Variants in RIN2 observed in about 807,000 individuals in gnomAD.
The protein encoded by RIN2 is RAB5 interacting protein 2.
Under a neutral mutation model 78.0 loss-of-function variants are expected in RIN2, and 36 were observed. The ratio of observed to expected loss-of-function variants is 0.46; its 90% CI spans 0.35 to 0.61. The LOEUF (loss-of-function observed/expected upper bound fraction) is 0.61, where lower values mean the gene tolerates loss of function less well. Ranked by LOEUF, RIN2 falls within the 20% of genes least tolerant of loss-of-function variation. The probability of loss-of-function intolerance (pLI) is 0.00; values close to 1 mark genes in which losing one functional copy is unlikely to be tolerated. For missense variants in RIN2, 1,087 were observed against 1,159.7 expected (o/e 0.94, Z 0.91); for synonymous variants, 466 against 466.8 (o/e 1.00, Z 0.02).
intron 1 of RIN2, among the ~76,000 whole-genome samples, chr20:19,798,347 C>T (rs1301890912): frequency 6.6e-6 from 1 of 151,994 alleles, no homozygotes; most frequent in African/African-American, 2.4e-5. Context: ...GGATATTCTA[C>T]ACCAGAAAGC....
At chr20:19,940,756 A>C (rs2040837828) in intron 4 of RIN2, among the ~76,000 whole-genome samples, 1 of 152,210 alleles carries the variant, frequency 6.6e-6, no homozygotes, top group Admixed American at 6.5e-5. Context: ...ATTTGGCGGA[A>C]GCAGGCCTCT....
intron 2 of RIN2, among the ~76,000 whole-genome samples, chr20:19,862,846 G>T (rs963464354): frequency 7.2e-5 from 11 of 152,178 alleles, no homozygotes; most frequent in African/African-American, 2.7e-4. Context: ...CTTGCCAAAT[G>T]CACGTTTTCT....
intron 9 of RIN2, among the ~76,000 whole-genome samples, chr20:19,989,350 T>C (rs1051553945): frequency 2.7e-5 from 4 of 149,648 alleles, no homozygotes. Context: ...CTTGGCTCAC[T>C]GCAACCTCTG....
rs185516853 is a variant in RIN2 at position 19,956,022 on chromosome 20, C to T, written c.159-593C>T. Among the ~76,000 whole-genome samples, 14 of 151,990 alleles carry T rather than the reference C, an allele frequency of 9.2e-5. No homozygotes were observed. In the East Asian group the frequency reaches 1.2e-3, roughly 13 times the overall value. On this transcript the variant is annotated intron_variant, in intron 4 of 12. Transcript: ENST00000255006. ...CTGTAATCCCAGCACTTTGGAATGC[C>T]GAGGTAGGCGGATCACCTGAGGTCA...
intron 2 of RIN2, among the ~76,000 whole-genome samples, chr20:19,807,130 G>A (rs1053686368): frequency 6.6e-6 from 1 of 152,240 alleles, no homozygotes; most frequent in Admixed American, 6.5e-5. Context: ...ATGAGTATAA[G>A]TGGAAGCCCA....
chr20:19,897,150 G>C (rs1388466060), intron 3 of RIN2, among the ~76,000 whole-genome samples: 2 of 152,094 alleles, frequency 1.3e-5, no homozygotes, highest in Non-Finnish European at 2.9e-5. Context: ...CTGTCGCCCA[G>C]ACTGGAGTGT....
chr20:19,832,082 G>A (rs1240099757), intron 2 of RIN2, among the ~76,000 whole-genome samples: 2 of 151,968 alleles, frequency 1.3e-5, no homozygotes, highest in East Asian at 1.9e-4. Flanking sequence ...GTGGTGGTGA[G>A]AATGTATCTG....
chr20:19,975,067 C>T lies in RIN2; in HGVS notation c.1042C>T (p.Leu348=). The T allele has an allele frequency of 6.2e-7, 1 of 1,613,562 alleles. No individual in the cohort carries two copies. Among genetic ancestry groups the T allele is most frequent in the Non-Finnish European group, 8.5e-7 (1 of 1,179,886 alleles). ...VNHNKHGNVA[L]PGTKPTPIPP... ...CCATAACAAACATGGGAACGTAGCT[C>T]TGCCTGGAACGAAACCAACTCCCAT... The change falls in exon 9 of 13, where the codon CTG becomes TTG. Residue 348 remains leucine, a synonymous_variant. Transcript: ENST00000255006. The surrounding 1 kb of genome is among the most constrained non-coding windows in gnomAD (Gnocchi z 4.9).
At chr20:19,811,398 G>T (rs1346109843) in intron 2 of RIN2, among the ~76,000 whole-genome samples, 2 of 152,172 alleles carry the variant, frequency 1.3e-5, no homozygotes, top group Admixed American at 1.3e-4. Context: ...TGCTCCAAAA[G>T]GCAGTAACTT....
chr20:19,995,261 TAAA>T (rs74180976), intron 11 of RIN2, among the ~76,000 whole-genome samples: 1 of 122,704 alleles, frequency 8.1e-6, no homozygotes. Flanking sequence ...GTTTTTTTTT[TAAA>T]AAAAAAAAAA....
rs201486809 is a variant in RIN2, at chr20:19,975,070, C to A, written c.1045C>A (p.Pro349Thr). The A allele has an allele frequency of 6.2e-7, 1 of 1,613,520 alleles. No homozygotes were observed. Among genetic ancestry groups the A allele is most frequent in the Non-Finnish European group, 8.5e-7 (1 of 1,179,888 alleles). The change falls in exon 9 of 13, where the codon CCT becomes ACT. Residue 349 changes from proline (P) to threonine (T), a missense_variant. This residue lies in a region of RIN2 where 706 missense variants were observed against 667.5 expected (regional missense o/e 1.06). Transcript: ENST00000255006. The surrounding 1 kb of genome is among the most constrained non-coding windows in gnomAD (Gnocchi z 4.9). The part of the protein sequence containing the change: ...NHNKHGNVAL[P>T]GTKPTPIPPP... The stretch of plus-strand genomic sequence containing the variant: ...TAACAAACATGGGAACGTAGCTCTG[C>A]CTGGAACGAAACCAACTCCCATCCC...
intron 6 of RIN2, among the ~76,000 whole-genome samples, chr20:19,961,504 G>A (rs1354543135): frequency 1.3e-5 from 2 of 152,174 alleles, no homozygotes; most frequent in Non-Finnish European, 2.9e-5. Context: ...CATCAAAGGG[G>A]GAGGAGTGGG....
At chr20:19,919,667 G>C (rs1202175995) in intron 3 of RIN2, among the ~76,000 whole-genome samples, 1 of 151,928 alleles carries the variant, frequency 6.6e-6, no homozygotes, top group African/African-American at 2.4e-5. Context: ...TTAGCCAGGC[G>C]TGGTGGCATA....
chr20:19,960,669 C>T (rs6106168), intron 5 of RIN2, 31 bp from the exon 6 acceptor site: 1 of 1,471,204 alleles, frequency 6.8e-7, no homozygotes. Context: ...TAGATATTTC[C>T]TAAAGCTTGT....
At chr20:19,909,962 G>C (rs1364182219) in intron 3 of RIN2, among the ~76,000 whole-genome samples, 2 of 152,132 alleles carry the variant, frequency 1.3e-5, no homozygotes, top group Non-Finnish European at 2.9e-5. Flanking sequence ...AGCTGCACAC[G>C]CTTCCTCCAG....
At chr20:19,785,758 G>C (rs1471383200) in intron 1 of RIN2, among the ~76,000 whole-genome samples, 1 of 152,150 alleles carries the variant, frequency 6.6e-6, no homozygotes, top group African/African-American at 2.4e-5. Context: ...ACTTTCCAAG[G>C]AGAGCTTCAT....
At chr20:19,808,349 T>C (rs1486198997) in intron 2 of RIN2, among the ~76,000 whole-genome samples, 1 of 151,044 alleles carries the variant, frequency 6.6e-6, no homozygotes, top group Non-Finnish European at 1.5e-5. Flanking sequence ...GGAAGGGGAG[T>C]CGGGTGAAGG....
intron 2 of RIN2, among the ~76,000 whole-genome samples, chr20:19,822,824 G>A (rs2035966797): frequency 6.6e-6 from 1 of 152,080 alleles, no homozygotes; most frequent in African/African-American, 2.4e-5. Context: ...CTTGCAAAGT[G>A]CTTTGGATGC....
At chr20:19,992,666 A>G (rs1250348816) in intron 11 of RIN2, among the ~76,000 whole-genome samples, 4 of 152,198 alleles carry the variant, frequency 2.6e-5, no homozygotes, top group Non-Finnish European at 4.4e-5. Flanking sequence ...ATATAACCCC[A>G]TCTTAACTAT....
Sources: allele counts gnomAD v4.1 joint callset (sites outside exome capture counted in the v4.1 genomes callset), GRCh38; gene constraint gnomAD v4.1.1; regional missense constraint gnomAD v4.1.1; non-coding constraint Gnocchi (gnomAD v3.1); transcripts MANE v1.5; gene names NCBI Gene and HGNC (gene_info 2026-07-23, HGNC 2026-07-21).